STXBP3: variants seen among roughly 807,000 people sequenced by gnomAD.
STXBP3 encodes the protein syntaxin-binding protein 3.
A neutral mutation model predicts 85.7 loss-of-function variants in STXBP3; 41 were observed. The ratio of observed to expected loss-of-function variants is 0.48; its 90% CI spans 0.37 to 0.62. The LOEUF is 0.62. STXBP3 is among the 20% of genes least tolerant of loss of function. The pLI, the probability that STXBP3 is intolerant of heterozygous loss-of-function variation, is 0.00. For synonymous variants in STXBP3, 229 were observed against 231.7 expected (o/e 0.99, Z 0.10); for missense variants, 563 against 703.1 (o/e 0.80, Z 2.25).
intron 11 of STXBP3, among the ~76,000 whole-genome samples, chr1:108,788,252 A>G (rs1404036563): frequency 1.3e-5 from 2 of 152,226 alleles, no homozygotes; most frequent in Non-Finnish European, 2.9e-5. Flanking sequence ...CCACTTGATC[A>G]TGATGCATCA....
At chr1:108,808,476 C>G (rs937581145) in intron 18 of STXBP3, among the ~76,000 whole-genome samples, 2 of 152,202 alleles carry the variant, frequency 1.3e-5, no homozygotes, top group African/African-American at 4.8e-5. Context: ...TATTATTGAA[C>G]AATAACTGTT....
At chr1:108,746,991 C>A (rs1661798585) in intron 1 of STXBP3, among the ~76,000 whole-genome samples, 1 of 151,692 alleles carries the variant, frequency 6.6e-6, no homozygotes, top group South Asian at 2.1e-4. Flanking sequence ...CGACGGGACG[C>A]GGCCTTCTCG....
intron 7 of STXBP3, among the ~76,000 whole-genome samples, chr1:108,773,376 A>G (rs769901078): frequency 2.6e-5 from 4 of 152,228 alleles, no homozygotes; most frequent in Non-Finnish European, 5.9e-5. Flanking sequence ...TTGTTAACTG[A>G]CAAAACCAAT....
At chr1:108,785,539 C>T (rs985202906) in intron 11 of STXBP3, among the ~76,000 whole-genome samples, 6 of 149,104 alleles carry the variant, frequency 4.0e-5, no homozygotes, top group Non-Finnish European at 7.5e-5. Flanking sequence ...CCACGAAGGT[C>T]TCTGACATGC....
At chr1:108,781,417 A>G (rs1662713014) in intron 9 of STXBP3, 1 of 152,182 alleles carries the variant, frequency 6.6e-6, no homozygotes, top group Non-Finnish European at 1.5e-5. Flanking sequence ...TAGTTCCACA[A>G]ATGGAAGGAG....
At chr1:108,799,481 T>C (rs1214154849) in intron 16 of STXBP3, among the ~76,000 whole-genome samples, 1 of 152,202 alleles carries the variant, frequency 6.6e-6, no homozygotes, top group African/African-American at 2.4e-5. Flanking sequence ...ATGACAGTCT[T>C]AGGCCTTTAG....
At chr1:108,757,587 A>G (rs1662048392) in intron 4 of STXBP3, among the ~76,000 whole-genome samples, 1 of 151,922 alleles carries the variant, frequency 6.6e-6, no homozygotes, top group South Asian at 2.1e-4. Context: ...GATTTAAAAT[A>G]TATATATATG....
intron 11 of STXBP3, among the ~76,000 whole-genome samples, chr1:108,793,176 T>TTTTTTTTTTTTTTTTTTTTTTTTTA (rs1663014475): frequency 6.8e-6 from 1 of 146,474 alleles, no homozygotes; most frequent in South Asian, 2.2e-4. Context: ...TTTTTTTTTT[T>TTTTTTTTTTTTTTTTTTTTTTTTTA]TTTTTTTGCA....
chr1:108,765,923 G>A (rs1337916433), intron 6 of STXBP3, among the ~76,000 whole-genome samples: 1 of 148,090 alleles, frequency 6.8e-6, no homozygotes, highest in African/African-American at 2.5e-5. Flanking sequence ...TGCGATCTTG[G>A]CTCACTTCAG....
chr1:108,746,810 G>T (rs1244238053), intron 1 of STXBP3, 24 bp downstream of exon 1: 1 of 1,545,584 alleles, frequency 6.5e-7, no homozygotes, highest in Non-Finnish European at 8.7e-7. Context: ...GGTAGGGGTT[G>T]AGAGAGGGAA....
chr1:108,756,211 T>C (rs1379347636), intron 3 of STXBP3, among the ~76,000 whole-genome samples: 1 of 152,170 alleles, frequency 6.6e-6, no homozygotes, highest in Non-Finnish European at 1.5e-5. Flanking sequence ...TAAATATGTG[T>C]GGTTTTGAAA....
intron 6 of STXBP3, among the ~76,000 whole-genome samples, chr1:108,768,491 G>T (rs1296930140): frequency 6.6e-6 from 1 of 151,994 alleles, no homozygotes; most frequent in East Asian, 1.9e-4. Flanking sequence ...AAAGAACCTA[G>T]GAGGTAAAAA....
chr1:108,771,154 G>A (rs779789427), intron 6 of STXBP3, among the ~76,000 whole-genome samples: 60 of 151,596 alleles, frequency 4.0e-4, no homozygotes, highest in Non-Finnish European at 7.5e-4. Context: ...GTAAAAAGCA[G>A]ATAGTACAAT....
chr1:108,800,128 C>T (rs1197187326), intron 16 of STXBP3, 92 bp from the exon 17 acceptor site: 1 of 810,166 alleles, frequency 1.2e-6, no homozygotes, highest in South Asian at 1.4e-5. Flanking sequence ...GTCTAAGGTT[C>T]CTCAATTGCA....
intron 1 of STXBP3, among the ~76,000 whole-genome samples, chr1:108,751,733 T>A (rs1661910518): frequency 6.6e-6 from 1 of 152,100 alleles, no homozygotes; most frequent in Non-Finnish European, 1.5e-5. Flanking sequence ...CATATTTAGA[T>A]AATTTTGAAA....
At chr1:108,805,419 A>ATTTT (rs34972308) in intron 17 of STXBP3, among the ~76,000 whole-genome samples, 15 of 114,322 alleles carry the variant, frequency 1.3e-4, no homozygotes, top group African/African-American at 1.7e-4. Context: ...CTAGATTCAG[A>ATTTT]TTTTTTTTTT....
rs886478435 is a variant in STXBP3, at chr1:108,800,168, A to G, written c.1450-52A>G. On this transcript the variant is annotated intron_variant, in intron 16 of 18. Transcript: ENST00000370008. ...CAAGTTTTGACCTTTATGCCAAACA[A>G]AGTCCTGCAATTTACAATTTTATTG... The G allele has an allele frequency of 4.5e-6, 6 of 1,328,172 alleles. No individual in the cohort carries two copies. In the African/African-American group the frequency reaches 5.8e-5, roughly 13 times the overall value. 82.3% of individuals were successfully genotyped at this position (1,328,172 alleles called of 1,614,324 possible).
intron 4 of STXBP3, chr1:108,756,972 C>T (rs1401850614): frequency 1.1e-5 from 4 of 354,588 alleles, no homozygotes; most frequent in Non-Finnish European, 2.0e-5. Flanking sequence ...TTCCTTTTTT[C>T]CCCATATATG....
chr1:108,788,565 TAA>T (rs985875197), intron 11 of STXBP3, among the ~76,000 whole-genome samples: 26 of 152,308 alleles, frequency 1.7e-4, no homozygotes, highest in Middle Eastern at 3.4e-3. Flanking sequence ...TAATTAATGA[TAA>T]GTTATTTAAT....
Sources: gnomAD v4.1 joint callset for allele counts (sites outside exome capture counted in the v4.1 genomes callset) on GRCh38, gnomAD v4.1.1 for gene constraint, MANE v1.5 for transcripts, NCBI Gene and HGNC (gene_info 2026-07-23, HGNC 2026-07-21) for gene names.